DPP3: variants seen among roughly 807,000 people sequenced by gnomAD.
The protein encoded by DPP3 is DPP III.
Under a neutral mutation model 89.8 loss-of-function variants are expected in DPP3, and 64 were observed. The ratio of observed to expected loss-of-function variants is 0.71; its 90% CI spans 0.58 to 0.88. The LOEUF (loss-of-function observed/expected upper bound fraction) is 0.88. Ranked by LOEUF, DPP3 falls within the 40% of genes least tolerant of loss-of-function variation. The pLI is 0.00. For missense variants in DPP3, 835 were observed against 972.5 expected (o/e 0.86, Z 1.88); for synonymous variants, 377 against 404.3 (o/e 0.93, Z 0.81).
At chr11:66,495,136 G>A (rs941289458) in intron 12 of DPP3, 70 bp from the exon 13 acceptor site, 152 of 1,610,590 alleles carry the variant, frequency 9.4e-5, no homozygotes, top group African/African-American at 4.8e-4. Flanking sequence ...TTTCCGGCCT[G>A]TGGATTCTGG....
In DPP3 at chr11:66,499,427, T is replaced by G. The variant is rs187147873; in HGVS notation, c.1878+1950T>G. Among the ~76,000 whole-genome samples the G allele has an allele frequency of 1.2e-4, 18 of 152,164 alleles. No individual in the cohort carries two copies. The East Asian group carries it at 3.5e-3, about 30-fold the overall frequency. On this transcript the variant is annotated intron_variant, in intron 16 of 17. Transcript: ENST00000531863. ...AACACATATGGTTAGGCCCCGCTTA[T>G]CCACAGTTTTGCTTTATGCGGCTGC...
At position 66,491,581 on chromosome 11, in the gene DPP3, G is replaced by A. The variant is rs768787915; in HGVS notation, c.886G>A (p.Gly296Ser). The change falls in exon 8 of 18, where the codon GGC (glycine) becomes AGC (serine). Residue 296 changes from glycine to serine, a missense_variant. Physicochemically the swap from Gly to Ser is moderately conservative, Grantham distance 56. Transcript: ENST00000531863. ...TQGSIEAHKR[G>S]SRFWIQDKGP... ...GGGCTCCATCGAGGCCCACAAGAGG[G>A]GCTCCCGCTTCTGGATCCAGGACAA... 4 of 1,613,726 alleles carry A rather than the reference G, an allele frequency of 2.5e-6. No individual in the cohort carries two copies. Among genetic ancestry groups the A allele is most frequent in the East Asian group, 2.2e-5 (1 of 44,870 alleles).
Position 66,492,771 on chromosome 11 carries a change from G to A in DPP3, c.1044G>A (p.Ala348=), listed in dbSNP as rs200674271. The A allele has an allele frequency of 2.4e-5, 38 of 1,613,326 alleles. 1 individual carries two copies. The highest frequency in any genetic ancestry group is 3.3e-4 in the Middle Eastern group (2 of 6,056). ...GTGCCAAGTTTGAGCGGCTGGTGGCGAGCGCAGAGCAGCTGCTGAAGGAGC... is the reference window on the plus strand; with the variant it reads ...GTGCCAAGTTTGAGCGGCTGGTGGCAAGCGCAGAGCAGCTGCTGAAGGAGC... The part of the protein sequence containing the change: ...AMSAKFERLV[A]SAEQLLKELP... The change falls in exon 10 of 18, where the codon GCG becomes GCA. Residue 348 remains alanine (A), a synonymous_variant. Transcript: ENST00000531863.
In DPP3 at chr11:66,495,451, C is replaced by T. The variant is rs199807328; in HGVS notation, c.1539C>T (p.Ser513=). 178 of 1,612,092 alleles carry T rather than the reference C, an allele frequency of 1.1e-4. No homozygotes were observed. The highest frequency in any genetic ancestry group is 1.3e-4 in the Non-Finnish European group (159 of 1,179,150). The change falls in exon 14 of 18, where the codon AGC becomes AGT. Residue 513 remains serine, a synonymous_variant. Coordinates refer to ENST00000531863, the MANE Select transcript of DPP3 (RefSeq NM_130443.4). Reference sequence around the variant, plus strand: ...GCTACGAAGAGTGCCGGGCTGAGAGCGTGGGTCTCTACCTCTGTCTCCACC... The same window carrying T: ...GCTACGAAGAGTGCCGGGCTGAGAGTGTGGGTCTCTACCTCTGTCTCCACC... ...ASSYEECRAE[S]VGLYLCLHPQ...
At chr11:66,490,395 G>A (rs545079613) in intron 6 of DPP3, among the ~76,000 whole-genome samples, 1 of 152,140 alleles carries the variant, frequency 6.6e-6, no homozygotes, top group African/African-American at 2.4e-5. Flanking sequence ...AGGCTGGGCC[G>A]CATTCCTTCT....
intron 17 of DPP3, among the ~76,000 whole-genome samples, chr11:66,505,505 C>A (rs10501397): frequency 0.23 from 35,315 of 152,026 alleles, 4,375 homozygotes; most frequent in East Asian, 0.27. Flanking sequence ...CTGATGTTAT[C>A]GTGAACCTGA....
intron 3 of DPP3, 66 bp downstream of exon 3, chr11:66,485,328 G>T (rs1037115504): frequency 6.7e-7 from 1 of 1,490,588 alleles, no homozygotes; most frequent in African/African-American, 1.4e-5. Context: ...GGAAAATGCA[G>T]TAGAAGGAGC....
At chr11:66,490,007 A>T (rs1360644591) in intron 6 of DPP3, among the ~76,000 whole-genome samples, 1 of 152,274 alleles carries the variant, frequency 6.6e-6, no homozygotes, top group Admixed American at 6.5e-5. Flanking sequence ...CAGATCCCAC[A>T]TCTCCATGGG....
At chr11:66,501,627 C>T (rs1385957374) in intron 16 of DPP3, among the ~76,000 whole-genome samples, 4 of 150,240 alleles carry the variant, frequency 2.7e-5, no homozygotes, top group African/African-American at 4.9e-5. Flanking sequence ...GAGTTCGAGA[C>T]CAGCCTGTCC....
Position 66,493,204 on chromosome 11 carries a change from G to C in DPP3, c.1296+25G>C, listed in dbSNP as rs201186136. On this transcript the variant is annotated intron_variant, in intron 11 of 17. Coordinates refer to ENST00000531863, the MANE Select transcript of DPP3 (RefSeq NM_130443.4). Reference sequence around the variant, plus strand: ...GGTGGGCGCCAGCAGTCGGAGGGTCGGGGCTGGGCCTCACCTTCCTCAGCA... The same window carrying C: ...GGTGGGCGCCAGCAGTCGGAGGGTCCGGGCTGGGCCTCACCTTCCTCAGCA... The C allele has an allele frequency of 2.0e-5, 32 of 1,595,894 alleles. No individual in the cohort carries two copies. In the East Asian group the frequency reaches 6.9e-4, roughly 35 times the overall value.
rs1590737369 is a variant in DPP3 at position 66,491,641 on chromosome 11, A to C, written c.929+17A>C. ...CGTGGAGAGGTGAGGCGCCAGCTCC[A>C]CCCCACCTGCCCCCTCCTGCCTGCC... On this transcript the variant is annotated intron_variant, in intron 8 of 17. Coordinates refer to ENST00000531863, the MANE Select transcript of DPP3 (RefSeq NM_130443.4). The C allele has an allele frequency of 6.2e-7, 1 of 1,609,416 alleles. No individual in the cohort carries two copies. Among genetic ancestry groups the C allele is most frequent in the Non-Finnish European group, 8.5e-7 (1 of 1,176,806 alleles).
At chr11:66,487,465 C>A (rs1700188) in intron 5 of DPP3, 123 bp downstream of exon 5, 5 of 988,364 alleles carry the variant, frequency 5.1e-6, no homozygotes, top group Admixed American at 2.2e-5. Flanking sequence ...AGGGAAGGCG[C>A]GACCCCTGCC....
chr11:66,482,168 C>T, intron 1 of DPP3, 25 bp from the exon 2 acceptor site: 1 of 1,611,480 alleles, frequency 6.2e-7, no homozygotes, highest in Non-Finnish European at 8.5e-7. Context: ...TAAACAACAG[C>T]TGTGATGACA....
intron 16 of DPP3, among the ~76,000 whole-genome samples, chr11:66,503,998 A>C (rs1196102351): frequency 6.6e-6 from 1 of 152,184 alleles, no homozygotes; most frequent in Non-Finnish European, 1.5e-5. Context: ...CTTCCATCCA[A>C]GATGATACCT....
Position 66,491,320 on chromosome 11 carries a change from G to T in DPP3, c.735G>T (p.Gln245His). The change falls in exon 7 of 18, where the codon CAG becomes CAT. Residue 245 changes from glutamine to histidine, a missense_variant. Gln to His is a conservative substitution (Grantham distance 24, BLOSUM62 0). Transcript: ENST00000531863. Reference protein sequence around the residue: ...KSYEFRGSPFQVTRGDYAPIL... With the variant: ...KSYEFRGSPFHVTRGDYAPIL... ...ATGAATTCCGGGGAAGCCCTTTCCA[G>T]GTGACCCGGGGGGACTACGCGCCCA... 1 of 1,614,074 alleles carries T rather than the reference G, an allele frequency of 6.2e-7. No individual in the cohort carries two copies. Among genetic ancestry groups the T allele is most frequent in the Non-Finnish European group, 8.5e-7 (1 of 1,180,018 alleles).
In DPP3 at chr11:66,492,641, G is replaced by A. The variant is rs140422352; in HGVS notation, c.989-75G>A. On this transcript the variant is annotated intron_variant, in intron 9 of 17. Coordinates refer to ENST00000531863, the MANE Select transcript of DPP3 (RefSeq NM_130443.4). ...CATACAGTAGGCATTCAGTACATGC[G>A]TGATGGCTGGAGTAGGGTGAAGTGG... 720 of 1,497,386 alleles carry A rather than the reference G, an allele frequency of 4.8e-4. 3 individuals are homozygous for A. The African/African-American group carries it at 7.1e-3, about 15-fold the overall frequency. The allele number at this position is 1,497,386 out of a possible 1,614,324, so 92.8% of individuals were successfully genotyped here. A position where few individuals can be genotyped will look rare whatever the true frequency, so the allele number is the denominator to read the frequency against.
intron 6 of DPP3, among the ~76,000 whole-genome samples, chr11:66,489,862 G>T (rs375863945): frequency 6.6e-6 from 1 of 152,166 alleles, no homozygotes; most frequent in African/African-American, 2.4e-5. Context: ...CCTATTGTTC[G>T]TGGTAGCTGG....
At chr11:66,499,016 G>C (rs962353909) in intron 16 of DPP3, among the ~76,000 whole-genome samples, 1 of 151,686 alleles carries the variant, frequency 6.6e-6, no homozygotes, top group Non-Finnish European at 1.5e-5. Context: ...GTCTCTAAAA[G>C]AAAAAGAAAA....
rs1200235926 is a variant in DPP3, at chr11:66,487,849, TC to T, written c.574-63del. The stretch of plus-strand genomic sequence containing the variant: ...CTTCTCCCCTAGGGTTGACCCATTT[TC>T]CTTCCTCCCACCCCACTGCCCTCTC... On this transcript the variant is annotated intron_variant, in intron 5 of 17. Coordinates refer to ENST00000531863, the MANE Select transcript of DPP3 (RefSeq NM_130443.4). 1.1e-5 allele frequency: 17 copies of T among 1,488,072 alleles called. No homozygotes were observed. In the East Asian group the frequency reaches 3.9e-4, roughly 34 times the overall value. The allele number at this position is 1,488,072 out of a possible 1,614,324, so 92.2% of individuals were successfully genotyped here.
Sources: gnomAD v4.1 joint callset for allele counts (sites outside exome capture counted in the v4.1 genomes callset) on GRCh38, gnomAD v4.1.1 for gene constraint, MANE v1.5 for transcripts, NCBI Gene and HGNC (gene_info 2026-07-23, HGNC 2026-07-21) for gene names.